The following KLRD1 variants were observed in gnomAD, a reference collection of about 807,000 sequenced individuals.
KLRD1 encodes killer cell lectin like receptor D1.
A neutral mutation model predicts 22.6 loss-of-function variants in KLRD1; 21 were observed. That is an observed-to-expected ratio of 0.93 (90% CI 0.66 to 1.34). KLRD1 has a LOEUF of 1.34. Ranked by LOEUF, KLRD1 falls within the 40% of genes most tolerant of loss-of-function variation. The pLI, the probability that KLRD1 is intolerant of heterozygous loss-of-function variation, is 0.00. For missense variants in KLRD1, 183 were observed against 208.6 expected, an observed-to-expected ratio of 0.88 and a Z score of 0.76; for synonymous variants, 59 against 71.1, an observed-to-expected ratio of 0.83 and a Z score of 0.85.
chr12:10,250,827 T>C (rs1349446548), intron 1 of KLRD1, among the ~76,000 whole-genome samples: 1 of 152,012 alleles, frequency 6.6e-6, no homozygotes, highest in Admixed American at 6.5e-5. Context: ...ATTAAGGTAA[T>C]ATAAAGGGTC....
rs1298800268 is a variant in KLRD1 at position 10,325,274 on chromosome 12, T to C, written c.*10481T>C. On this transcript the variant is annotated 3_prime_UTR_variant, in exon 6 of 6. Coordinates refer to ENST00000336164, the MANE Select transcript of KLRD1 (RefSeq NM_002262.5). ...TTCTGCCTCGATTGAAATCAGATAG[T>C]TTTTATTTCCCAGTTATAAACCTCA... The C allele has an allele frequency of 3.9e-5, 6 of 152,266 alleles. No individual in the cohort carries two copies. Among genetic ancestry groups the C allele is most frequent in the South Asian group, 4.1e-4 (2 of 4,828 alleles). The allele number at this position is 152,266 out of a possible 1,614,324, so 9.4% of individuals were successfully genotyped here. A position where few individuals can be genotyped will look rare whatever the true frequency, so the allele number is the denominator to read the frequency against.
chr12:10,273,513 A>C (rs1319948895), intron 1 of KLRD1, among the ~76,000 whole-genome samples: 1 of 152,138 alleles, frequency 6.6e-6, no homozygotes, highest in Non-Finnish European at 1.5e-5. Flanking sequence ...GCATATGTGA[A>C]ATTTCTTTTA....
intron 3 of KLRD1, 43 bp from the exon 4 acceptor site, chr12:10,311,421 C>G: frequency 6.4e-7 from 1 of 1,562,366 alleles, no homozygotes. Flanking sequence ...AAAAAAATGT[C>G]TAGTCTCCAG....
intron 1 of KLRD1, 94 bp downstream of exon 1, chr12:10,308,178 A>T: frequency 9.5e-7 from 1 of 1,054,464 alleles, no homozygotes; most frequent in Non-Finnish European, 1.5e-6. Context: ...AGAAAAGGAC[A>T]TGATTAACAG....
At chr12:10,261,619 C>G (rs921294132) in intron 1 of KLRD1, among the ~76,000 whole-genome samples, 4 of 152,092 alleles carry the variant, frequency 2.6e-5, no homozygotes, top group Non-Finnish European at 5.9e-5. Context: ...AATATTCTTA[C>G]AATTTGATTC....
At chr12:10,275,223 C>G (rs781077635) in intron 1 of KLRD1, among the ~76,000 whole-genome samples, 5 of 152,042 alleles carry the variant, frequency 3.3e-5, no homozygotes, top group Non-Finnish European at 7.4e-5. Context: ...TTTGTTCCTA[C>G]TGGTTCTTTT....
chr12:10,262,526 T>C (rs2137632554), intron 1 of KLRD1, among the ~76,000 whole-genome samples: 1 of 152,226 alleles, frequency 6.6e-6, no homozygotes, highest in African/African-American at 2.4e-5. Context: ...AAAGTGAATA[T>C]TTACCTAATA....
At position 10,321,740 on chromosome 12, in the gene KLRD1, G is replaced by A. The variant is rs1437778757; in HGVS notation, c.*6947G>A. On this transcript the variant is annotated 3_prime_UTR_variant, in exon 6 of 6. Coordinates refer to ENST00000336164, the MANE Select transcript of KLRD1 (RefSeq NM_002262.5). ...AGCGTTCCATGTGGCAAAGAACTGA[G>A]GCCTCCTATAAACAGCTAGCAAGGA... 1 of 152,146 alleles carries A rather than the reference G, an allele frequency of 6.6e-6. No homozygotes were observed. Among genetic ancestry groups the A allele is most frequent in the South Asian group, 2.1e-4 (1 of 4,824 alleles). 9.4% of individuals were successfully genotyped at this position (152,146 alleles called of 1,614,324 possible).
chr12:10,284,064 G>A (rs531721486), intron 1 of KLRD1, among the ~76,000 whole-genome samples: 1 of 150,896 alleles, frequency 6.6e-6, no homozygotes, highest in Admixed American at 6.6e-5. Context: ...GTGGGCGCTT[G>A]TAATCCCAGC....
intron 1 of KLRD1, among the ~76,000 whole-genome samples, chr12:10,284,264 C>T (rs1949678444): frequency 6.6e-6 from 1 of 152,188 alleles, no homozygotes; most frequent in Admixed American, 6.5e-5. Context: ...ATTCAACTTA[C>T]CTTGTCCAAT....
upstream of KLRD1, among the ~76,000 whole-genome samples, chr12:10,307,111 T>G (rs1258034587): frequency 6.6e-6 from 1 of 152,324 alleles, no homozygotes; most frequent in Admixed American, 6.5e-5. Flanking sequence ...TGTTCCACAT[T>G]TGATATTCCT....
At position 10,263,385 on chromosome 12, in the gene KLRD1, A is replaced by G. The variant is rs565431819; in HGVS notation, c.-101+37152A>G. ...GTTATATTTTTAACTACCTTCATAT[A>G]TGAAATCTTTAAACTACATGATTTT... On this transcript the variant is annotated intron_variant, in intron 1 of 5. Transcript: ENST00000544747. 5.3e-5 allele frequency among the ~76,000 whole-genome samples: 8 copies of G among 152,174 alleles called. No individual in the cohort carries two copies. In the East Asian group the frequency reaches 1.5e-3, roughly 29 times the overall value.
intron 4 of KLRD1, among the ~76,000 whole-genome samples, chr12:10,312,859 C>T (rs1434105893): frequency 2.6e-5 from 4 of 151,358 alleles, no homozygotes; most frequent in Non-Finnish European, 4.4e-5. Flanking sequence ...TGGTGGCGGG[C>T]GCCTGTAGTC....
At chr12:10,262,945 T>A (rs1949467071) in intron 1 of KLRD1, among the ~76,000 whole-genome samples, 1 of 152,094 alleles carries the variant, frequency 6.6e-6, no homozygotes, top group South Asian at 2.1e-4. Flanking sequence ...ATATGATTGA[T>A]GTTATTCTAA....
At position 10,326,958 on chromosome 12, in the gene KLRD1, G is replaced by A. The variant is rs1950367122; in HGVS notation, c.*12165G>A. On this transcript the variant is annotated 3_prime_UTR_variant, in exon 6 of 6. Transcript: ENST00000336164. ...CTTGCTTTTGTTGCCTGTGCTTTTG[G>A]TGTCAGATTGATGATATCATTGCCA... The A allele has an allele frequency of 6.6e-6, 1 of 152,148 alleles. No homozygotes were observed. The highest frequency in any genetic ancestry group is 2.4e-5 in the African/African-American group (1 of 41,440). 9.4% of individuals were successfully genotyped at this position (152,148 alleles called of 1,614,324 possible).
At chr12:10,300,211 A>G (rs530221809), upstream of KLRD1, among the ~76,000 whole-genome samples, 46 of 152,348 alleles carry the variant, frequency 3.0e-4, no homozygotes, top group Admixed American at 1.2e-3. Context: ...TACTTTATCC[A>G]GAACCATCAG....
intron 1 of KLRD1, among the ~76,000 whole-genome samples, chr12:10,270,425 A>G (rs541440799): frequency 2.6e-5 from 4 of 152,316 alleles, no homozygotes; most frequent in African/African-American, 9.6e-5. Context: ...TATCACAGCA[A>G]CAATGCACCA....
At chr12:10,240,564 A>T (rs1022793102) in intron 1 of KLRD1, among the ~76,000 whole-genome samples, 1 of 152,164 alleles carries the variant, frequency 6.6e-6, no homozygotes, top group South Asian at 2.1e-4. Flanking sequence ...TAATATAGAC[A>T]TAATAACTTA....
Position 10,315,357 on chromosome 12 carries a change from C to T in KLRD1, c.*564C>T, listed in dbSNP as rs1023471618. The T allele has an allele frequency of 1.6e-4, 65 of 403,064 alleles. No individual in the cohort carries two copies. The highest frequency in any genetic ancestry group is 9.6e-4 in the African/African-American group (45 of 46,820). 25.0% of individuals were successfully genotyped at this position (403,064 alleles called of 1,614,324 possible). Reference sequence around the variant, plus strand: ...CCCAGGCTGGTCTTGAACTCCTGGCCTCAAGGGATTCTCCCACCTTGGATT... The same window carrying T: ...CCCAGGCTGGTCTTGAACTCCTGGCTTCAAGGGATTCTCCCACCTTGGATT... On this transcript the variant is annotated 3_prime_UTR_variant, in exon 6 of 6. Transcript: ENST00000336164.
Sources: gnomAD v4.1 joint callset for allele counts (sites outside exome capture counted in the v4.1 genomes callset) on GRCh38, gnomAD v4.1.1 for gene constraint, MANE v1.5 for transcripts, NCBI Gene and HGNC (gene_info 2026-07-23, HGNC 2026-07-21) for gene names.